The following PHF24 variants were observed in gnomAD, a reference collection of about 807,000 sequenced individuals.
PHF24 encodes Galpha inhibitory interacting protein.
Under a neutral mutation model 42.6 loss-of-function variants are expected in PHF24, and 25 were observed. That is an observed-to-expected ratio of 0.59 (90% confidence interval 0.43 to 0.82). PHF24 has a LOEUF of 0.82. Ranked by LOEUF, PHF24 falls within the 40% of genes least tolerant of loss-of-function variation. PHF24 has a pLI of 0.00. For synonymous variants in PHF24, 185 were observed against 204.8 expected, an observed-to-expected ratio of 0.90 and a Z score of 0.83; for missense variants, 470 against 538.1, an observed-to-expected ratio of 0.87 and a Z score of 1.25.
chr9:34,727,922 C>T, the PHF24 span: 1 of 1,130,230 alleles, frequency 8.8e-7, no homozygotes, highest in African/African-American at 1.6e-5. Context: ...ATGTCTCCCT[C>T]CCAGCCATTA....
exon 3 of PHF24, chr9:34,972,358 G>A: frequency 6.2e-7 from 1 of 1,603,542 alleles, no homozygotes; most frequent in Non-Finnish European, 8.5e-7. Flanking sequence ...TGTCAACGAT[G>A]AGATGTGTGA....
the PHF24 span, among the ~76,000 whole-genome samples, chr9:34,858,921 C>T: frequency 6.6e-6 from 1 of 152,126 alleles, no homozygotes; most frequent in South Asian, 2.1e-4. Context: ...AGCTACCTCT[C>T]TCACACTCTG....
the PHF24 span, among the ~76,000 whole-genome samples, chr9:34,694,263 A>G: frequency 7.5e-6 from 1 of 133,826 alleles, no homozygotes. Context: ...TCTGCCTCCT[A>G]TGTTCAAGTA....
chr9:34,946,259 T>C, the PHF24 span, among the ~76,000 whole-genome samples: 42 of 152,226 alleles, frequency 2.8e-4, no homozygotes, highest in African/African-American at 8.9e-4. Context: ...TAATGGTAGG[T>C]GGTTCCTAAC....
the PHF24 span, among the ~76,000 whole-genome samples, chr9:34,872,205 T>A: frequency 6.6e-6 from 1 of 151,610 alleles, no homozygotes; most frequent in East Asian, 1.9e-4. Context: ...TTTTTTATTT[T>A]TTATTTTTTT....
At chr9:34,668,176 A>G in the PHF24 span, among the ~76,000 whole-genome samples, 1 of 152,214 alleles carries the variant, frequency 6.6e-6, no homozygotes, top group Non-Finnish European at 1.5e-5. Context: ...GGAAGGCCAT[A>G]GCCCTGACTG....
the PHF24 span, among the ~76,000 whole-genome samples, chr9:34,687,073 G>C: frequency 6.6e-6 from 1 of 152,014 alleles, no homozygotes; most frequent in East Asian, 1.9e-4. Context: ...GTGGGAAAAA[G>C]AGGAAGGCAG....
the PHF24 span, among the ~76,000 whole-genome samples, chr9:34,872,472 T>G: frequency 3.3e-5 from 5 of 150,854 alleles, no homozygotes; most frequent in Non-Finnish European, 7.4e-5. Context: ...TTTTTTGTTC[T>G]TGCGATAGTT....
At chr9:34,684,600 C>A in the PHF24 span, among the ~76,000 whole-genome samples, 1 of 152,154 alleles carries the variant, frequency 6.6e-6, no homozygotes, top group South Asian at 2.1e-4. Flanking sequence ...ATTGGGACAT[C>A]CTATCAGGAA....
chr9:34,937,647 TAAA>T, the PHF24 span, among the ~76,000 whole-genome samples: 1 of 142,792 alleles, frequency 7.0e-6, no homozygotes, highest in Non-Finnish European at 1.5e-5. Context: ...ATGATCAATT[TAAA>T]AAAAAAAATG....
chr9:34,839,985 C>T, the PHF24 span, among the ~76,000 whole-genome samples: 1 of 152,152 alleles, frequency 6.6e-6, no homozygotes, highest in South Asian at 2.1e-4. Flanking sequence ...TCCTAACAAA[C>T]GCAGAACCCC....
chr9:34,772,077 G>A, the PHF24 span, among the ~76,000 whole-genome samples: 1 of 152,166 alleles, frequency 6.6e-6, no homozygotes, highest in Non-Finnish European at 1.5e-5. Context: ...CCTTACAAAG[G>A]TTTCAGCTCA....
chr9:34,960,795 G>A (rs911566931), intron 1 of PHF24, among the ~76,000 whole-genome samples: 1 of 152,088 alleles, frequency 6.6e-6, no homozygotes, highest in African/African-American at 2.4e-5. Flanking sequence ...TAAGAATACA[G>A]CCTAACTCTC....
the PHF24 span, among the ~76,000 whole-genome samples, chr9:34,759,834 T>TC: frequency 1.3e-5 from 2 of 152,288 alleles, no homozygotes; most frequent in South Asian, 4.1e-4. Context: ...TGGCCTTTGT[T>TC]CCTCTGCCTC....
chr9:34,854,196 ATTTT>A, the PHF24 span, among the ~76,000 whole-genome samples: 1 of 106,666 alleles, frequency 9.4e-6, no homozygotes, highest in Non-Finnish European at 1.9e-5. Flanking sequence ...CAGTCTATCT[ATTTT>A]TTTTTTTTTT....
the PHF24 span, among the ~76,000 whole-genome samples, chr9:34,909,491 A>G: frequency 6.6e-6 from 1 of 151,606 alleles, no homozygotes; most frequent in Non-Finnish European, 1.5e-5. Context: ...CTATCACATT[A>G]TCTTGTATGC....
chr9:34,714,600 G>A, the PHF24 span, among the ~76,000 whole-genome samples: 7 of 152,294 alleles, frequency 4.6e-5, no homozygotes, highest in Admixed American at 1.3e-4. Flanking sequence ...TGGTGGGGTG[G>A]GGCTGGGAGA....
chr9:34,727,886 A>T, the PHF24 span: 1 of 767,704 alleles, frequency 1.3e-6, no homozygotes, highest in African/African-American at 1.8e-5. Context: ...CAACCCTCTC[A>T]CCCAGTGTCC....
the PHF24 span, among the ~76,000 whole-genome samples, chr9:34,729,704 C>A: frequency 2.8e-4 from 42 of 152,198 alleles, no homozygotes; most frequent in Non-Finnish European, 5.0e-4. Context: ...CTTTCCACTC[C>A]CTATACCAGC....
Sources: gnomAD v4.1 joint callset for allele counts (sites outside exome capture counted in the v4.1 genomes callset) on GRCh38, gnomAD v4.1.1 for gene constraint, MANE v1.5 for transcripts, NCBI Gene and HGNC (gene_info 2026-07-23, HGNC 2026-07-21) for gene names.